The following GALNT18 variants were observed in gnomAD, a reference collection of about 807,000 sequenced individuals.
GALNT18 encodes polypeptide N-acetylgalactosaminyltransferase 18.
A neutral mutation model predicts 69.5 loss-of-function variants in GALNT18; 44 were observed. That is an observed-to-expected ratio of 0.63 (90% CI 0.50 to 0.81). The LOEUF is 0.81. Ranked by LOEUF, GALNT18 falls within the 40% of genes least tolerant of loss-of-function variation. GALNT18 has a pLI of 0.00. For missense variants in GALNT18, 715 were observed against 810.0 expected (o/e 0.88, Z 1.42); for synonymous variants, 364 against 318.2 (o/e 1.14, Z -1.53).
rs936681804 is a variant in GALNT18, at chr11:11,602,651, G to A, written c.235+18708C>T. On this transcript the variant is annotated intron_variant, in intron 1 of 10. Transcript: ENST00000227756. The surrounding 1 kb of genome is among the most constrained non-coding windows in gnomAD (Gnocchi z 4.7). ...AGGGCAATTTCCAGGGACTTTAGATGGGTGTTGTTTAATAATTTTTACCAG... is the reference window on the plus strand; with the variant it reads ...AGGGCAATTTCCAGGGACTTTAGATAGGTGTTGTTTAATAATTTTTACCAG... Among the ~76,000 whole-genome samples the A allele has an allele frequency of 6.6e-6, 1 of 152,154 alleles. No individual in the cohort carries two copies. Among genetic ancestry groups the A allele is most frequent in the East Asian group, 1.9e-4 (1 of 5,196 alleles).
intron 1 of GALNT18, among the ~76,000 whole-genome samples, chr11:11,528,690 T>C (rs1238972938): frequency 6.6e-6 from 1 of 152,166 alleles, no homozygotes; most frequent in Non-Finnish European, 1.5e-5. Context: ...TGCAGGAAAG[T>C]AGAAAGACAT....
At chr11:11,589,244 G>C (rs1490498059) in intron 1 of GALNT18, among the ~76,000 whole-genome samples, 1 of 152,132 alleles carries the variant, frequency 6.6e-6, no homozygotes, top group Non-Finnish European at 1.5e-5. Flanking sequence ...AGGAAGTGGG[G>C]GGAGAAGTGG....
Position 11,396,937 on chromosome 11 carries a change from A to G in GALNT18, c.596-17673T>C, listed in dbSNP as rs1323093875. On this transcript the variant is annotated intron_variant, in intron 3 of 10. Transcript: ENST00000227756. This position sits in a 1 kb window ranked among gnomAD's most constrained non-coding sequence, Gnocchi z 5.2. The stretch of plus-strand genomic sequence containing the variant: ...CCCAGTGGCTGGAGAGAATGATGCC[A>G]TAGTTCTCTCCCCTGTGCATCTTGG... 6.6e-6 allele frequency among the ~76,000 whole-genome samples: 1 copy of G among 152,164 alleles called. No homozygotes were observed. Among genetic ancestry groups the G allele is most frequent in the Non-Finnish European group, 1.5e-5 (1 of 68,042 alleles).
At chr11:11,547,414 T>C (rs1323062876) in intron 1 of GALNT18, among the ~76,000 whole-genome samples, 1 of 152,224 alleles carries the variant, frequency 6.6e-6, no homozygotes, top group African/African-American at 2.4e-5. Flanking sequence ...TAATAAGGCC[T>C]GTGGGACCAG....
At chr11:11,506,006 G>A (rs555868194) in intron 1 of GALNT18, among the ~76,000 whole-genome samples, 7 of 152,172 alleles carry the variant, frequency 4.6e-5, no homozygotes, top group African/African-American at 1.7e-4. Context: ...ATGTATTATT[G>A]AGGTTTCCTG....
At chr11:11,385,017 G>A (rs899152639) in intron 3 of GALNT18, among the ~76,000 whole-genome samples, 1 of 152,146 alleles carries the variant, frequency 6.6e-6, no homozygotes, top group African/African-American at 2.4e-5. Flanking sequence ...TATAAGAAGT[G>A]CAGTGTCAGC....
At chr11:11,385,502 A>G (rs1014541400) in intron 3 of GALNT18, among the ~76,000 whole-genome samples, 7 of 152,010 alleles carry the variant, frequency 4.6e-5, no homozygotes, top group South Asian at 2.1e-4. Flanking sequence ...TCACCATGTT[A>G]GCCAGGATGG....
intron 9 of GALNT18, among the ~76,000 whole-genome samples, chr11:11,324,701 T>C (rs891284232): frequency 1.3e-5 from 2 of 152,120 alleles, no homozygotes; most frequent in African/African-American, 4.8e-5. Flanking sequence ...TGTTTGTATA[T>C]TTCTTTTGAG....
At chr11:11,359,254 T>TG (rs2133077710) in intron 6 of GALNT18, among the ~76,000 whole-genome samples, 1 of 141,096 alleles carries the variant, frequency 7.1e-6, no homozygotes, top group African/African-American at 2.6e-5. Flanking sequence ...CCAAGGCCTT[T>TG]GGGGAGAACC....
At chr11:11,343,170 C>A (rs777306932) in intron 6 of GALNT18, among the ~76,000 whole-genome samples, 1 of 151,842 alleles carries the variant, frequency 6.6e-6, no homozygotes, top group Admixed American at 6.6e-5. Context: ...ATGGTGAGAC[C>A]TCATCTCTGC....
intron 1 of GALNT18, chr11:11,570,172 C>T (rs1447668711): frequency 6.6e-6 from 1 of 152,310 alleles, no homozygotes; most frequent in Non-Finnish European, 1.5e-5. Context: ...GGGCTGAGCA[C>T]ACCGTGTGGG....
chr11:11,518,513 G>A (rs1391380684), intron 1 of GALNT18, among the ~76,000 whole-genome samples: 7 of 152,168 alleles, frequency 4.6e-5, no homozygotes, highest in Non-Finnish European at 1.0e-4. Context: ...AGGTGTCGTG[G>A]TTACCAGGGT....
At chr11:11,379,746 C>T (rs1290539495) in intron 3 of GALNT18, among the ~76,000 whole-genome samples, 1 of 152,212 alleles carries the variant, frequency 6.6e-6, no homozygotes, top group Admixed American at 6.5e-5. Context: ...GACCCCAGCC[C>T]AGGATCCGCT....
intron 3 of GALNT18, among the ~76,000 whole-genome samples, chr11:11,406,040 C>T (rs1043977205): frequency 2.6e-5 from 4 of 152,204 alleles, no homozygotes; most frequent in Non-Finnish European, 4.4e-5. Flanking sequence ...CGGAGAGTCC[C>T]AAACAGCTAC....
intron 9 of GALNT18, among the ~76,000 whole-genome samples, chr11:11,304,376 G>C (rs1460739325): frequency 6.6e-6 from 1 of 152,166 alleles, no homozygotes; most frequent in Non-Finnish European, 1.5e-5. Flanking sequence ...TTGTTCATTA[G>C]TAAGTTCTCT....
intron 9 of GALNT18, among the ~76,000 whole-genome samples, chr11:11,312,979 C>G (rs1178100304): frequency 6.6e-6 from 1 of 152,074 alleles, no homozygotes. Flanking sequence ...AAAGAATCAC[C>G]AAATCCAAGA....
rs572390258 is a variant in GALNT18 at position 11,620,336 on chromosome 11, T to TGTGTGTGTGCACACCCG, written c.235+1022_235+1023insCGGGTGTGCACACACAC. Among the ~76,000 whole-genome samples the TGTGTGTGTGCACACCCG allele has an allele frequency of 1.1e-3, 160 of 151,380 alleles. No homozygotes were observed. The highest frequency in any genetic ancestry group is 3.8e-3 in the African/African-American group (156 of 41,196). On this transcript the variant is annotated intron_variant, in intron 1 of 10. Coordinates refer to ENST00000227756, the MANE Select transcript of GALNT18 (RefSeq NM_198516.3). The surrounding 1 kb of genome is among the most constrained non-coding windows in gnomAD (Gnocchi z 6.9). ...ACGTGAGCGCGCGCGCGCGCGCGTG[T>TGTGTGTGTGCACACCCG]GTGTGTGTGTGTGCACACCCGGCAC...
chr11:11,274,131 G>A (rs113735146), intron 10 of GALNT18, among the ~76,000 whole-genome samples: 11 of 152,228 alleles, frequency 7.2e-5, no homozygotes, highest in Middle Eastern at 3.4e-3. Context: ...AGAGTGTACC[G>A]GGAGGAACAG....
At chr11:11,348,024 A>G (rs539363497) in intron 6 of GALNT18, among the ~76,000 whole-genome samples, 45 of 152,222 alleles carry the variant, frequency 3.0e-4, no homozygotes, top group African/African-American at 9.9e-4. Context: ...GCATCCTCCA[A>G]TTTTGTACCC....
Sources: gnomAD v4.1 joint callset for allele counts (sites outside exome capture counted in the v4.1 genomes callset) on GRCh38, gnomAD v4.1.1 for gene constraint, Gnocchi (gnomAD v3.1) non-coding constraint, MANE v1.5 for transcripts, NCBI Gene and HGNC (gene_info 2026-07-23, HGNC 2026-07-21) for gene names.